Variants in ZNF521 observed in about 807,000 individuals in gnomAD.
The protein encoded by ZNF521 is LYST-interacting protein 3.
ZNF521 carries 14 observed loss-of-function variants against 105.5 expected under a neutral mutation model. That is an observed-to-expected ratio of 0.13 (90% CI 0.09 to 0.21). ZNF521 has a LOEUF of 0.21. Ranked by LOEUF, ZNF521 falls within the 10% of genes least tolerant of loss-of-function variation. ZNF521 has a pLI of 1.00. For missense variants in ZNF521, 1,233 were observed against 1,629.7 expected, an observed-to-expected ratio of 0.76 and a Z score of 4.19; for synonymous variants, 635 against 606.0, an observed-to-expected ratio of 1.05 and a Z score of -0.70.
At chr18:25,195,315 T>C (rs1268405188) in intron 4 of ZNF521, 71 bp from the exon 5 acceptor site, 3 of 1,254,628 alleles carry the variant, frequency 2.4e-6, no homozygotes, top group Non-Finnish European at 3.3e-6. Flanking sequence ...TTAAAAAACA[T>C]TTTTCTGAGA....
At chr18:25,183,735 G>A (rs986961784) in intron 5 of ZNF521, among the ~76,000 whole-genome samples, 6 of 152,090 alleles carry the variant, frequency 3.9e-5, no homozygotes, top group African/African-American at 7.2e-5. Context: ...GCTGGTGCTC[G>A]TTTGAAACAC....
At chr18:25,229,389 C>T (rs1014227853) in intron 3 of ZNF521, among the ~76,000 whole-genome samples, 6 of 152,176 alleles carry the variant, frequency 3.9e-5, no homozygotes, top group Admixed American at 1.3e-4. Flanking sequence ...AGTTGAAAAC[C>T]GCATGATTTT....
At position 25,297,426 on chromosome 18, in the gene ZNF521, T is replaced by A. The variant is rs144637283; in HGVS notation, c.220+24582A>T. Among the ~76,000 whole-genome samples the A allele has an allele frequency of 3.9e-3, 594 of 152,280 alleles. 5 individuals carry two copies. Among genetic ancestry groups the A allele is most frequent in the Non-Finnish European group, 3.6e-3 (243 of 68,010 alleles). ...AAATCCATGAAAAATTCATATTAAA[T>A]CCTTTCTTATTTGTGTATTTAGTCT... On this transcript the variant is annotated intron_variant, in intron 3 of 7. Transcript: ENST00000361524.
At chr18:25,289,037 T>C (rs1910863328) in intron 3 of ZNF521, among the ~76,000 whole-genome samples, 1 of 152,252 alleles carries the variant, frequency 6.6e-6, no homozygotes, top group Non-Finnish European at 1.5e-5. Context: ...ATAGCTTTTT[T>C]TAACCTTGGA....
At chr18:25,337,270 A>G (rs1371367808) in intron 2 of ZNF521, among the ~76,000 whole-genome samples, 2 of 152,192 alleles carry the variant, frequency 1.3e-5, no homozygotes, top group African/African-American at 4.8e-5. Context: ...CAGACACAAG[A>G]TCTATTAGTT....
chr18:25,134,056 A>T (rs1055013447), intron 5 of ZNF521, among the ~76,000 whole-genome samples: 1 of 152,172 alleles, frequency 6.6e-6, no homozygotes, highest in East Asian at 1.9e-4. Flanking sequence ...GACAGCTGAG[A>T]CACAAAACCA....
intron 3 of ZNF521, among the ~76,000 whole-genome samples, chr18:25,276,652 G>C (rs1045160523): frequency 1.3e-5 from 2 of 152,148 alleles, no homozygotes; most frequent in African/African-American, 2.4e-5. Context: ...AGAGCTCCCT[G>C]AAACTGACCT....
chr18:25,213,918 A>C (rs1228778212), intron 4 of ZNF521, among the ~76,000 whole-genome samples: 1 of 152,098 alleles, frequency 6.6e-6, no homozygotes, highest in East Asian at 1.9e-4. Context: ...AAAGTTACTC[A>C]TAGTATTATT....
chr18:25,161,398 G>T (rs2035249062), intron 5 of ZNF521, among the ~76,000 whole-genome samples: 1 of 152,124 alleles, frequency 6.6e-6, no homozygotes, highest in Non-Finnish European at 1.5e-5. Flanking sequence ...TCCAGAAAAA[G>T]AAATGCCACT....
rs188370267 is a variant in ZNF521 at position 25,142,779 on chromosome 18, A to T, written c.3659-50698T>A. Among the ~76,000 whole-genome samples, 202 of 152,272 alleles carry T rather than the reference A, an allele frequency of 1.3e-3. 1 individual carries two copies. The highest frequency in any genetic ancestry group is 1.8e-3 in the Non-Finnish European group (122 of 68,016). ...TGTAAGTTATTTTTTGCATCTAAGAAAGGTAGCAGAAGTATTCATTAACAC... is the reference window on the plus strand; with the variant it reads ...TGTAAGTTATTTTTTGCATCTAAGATAGGTAGCAGAAGTATTCATTAACAC... On this transcript the variant is annotated intron_variant, in intron 5 of 7. Transcript: ENST00000361524.
intron 3 of ZNF521, among the ~76,000 whole-genome samples, chr18:25,247,197 C>T (rs1039252308): frequency 1.3e-5 from 2 of 152,124 alleles, no homozygotes; most frequent in Non-Finnish European, 2.9e-5. Context: ...GGGAGAGGCA[C>T]ACATGTAAAC....
At chr18:25,296,241 G>A (rs2145049930) in intron 3 of ZNF521, among the ~76,000 whole-genome samples, 1 of 152,178 alleles carries the variant, frequency 6.6e-6, no homozygotes, top group East Asian at 1.9e-4. Flanking sequence ...CCACTTGATA[G>A]GAGCACTAGG....
intron 3 of ZNF521, among the ~76,000 whole-genome samples, chr18:25,313,774 A>G (rs1912455119): frequency 6.6e-6 from 1 of 152,242 alleles, no homozygotes; most frequent in Non-Finnish European, 1.5e-5. Context: ...TAGTAAATAC[A>G]TATTATGACA....
At chr18:25,252,982 A>G (rs1908221343) in intron 3 of ZNF521, among the ~76,000 whole-genome samples, 1 of 152,258 alleles carries the variant, frequency 6.6e-6, no homozygotes, top group African/African-American at 2.4e-5. Flanking sequence ...CATAAGGCAA[A>G]CCAACTTCCT....
At chr18:25,135,778 G>T (rs1435883160) in intron 5 of ZNF521, among the ~76,000 whole-genome samples, 2 of 152,062 alleles carry the variant, frequency 1.3e-5, no homozygotes, top group Non-Finnish European at 2.9e-5. Context: ...TCTTAGGAGA[G>T]TTATTAAAGG....
intron 5 of ZNF521, among the ~76,000 whole-genome samples, chr18:25,114,187 C>G (rs1038629451): frequency 3.9e-5 from 6 of 152,140 alleles, no homozygotes; most frequent in African/African-American, 1.4e-4. Flanking sequence ...AGCTTGAAAG[C>G]TGATGAATGA....
At chr18:25,102,859 C>T (rs1946578770) in intron 5 of ZNF521, among the ~76,000 whole-genome samples, 1 of 152,188 alleles carries the variant, frequency 6.6e-6, no homozygotes, top group South Asian at 2.1e-4. Context: ...ACAGCAGTTA[C>T]TGTTTTCTAG....
At chr18:25,300,156 G>A (rs1031352917) in intron 3 of ZNF521, among the ~76,000 whole-genome samples, 4 of 152,114 alleles carry the variant, frequency 2.6e-5, no homozygotes, top group Admixed American at 6.6e-5. Flanking sequence ...TTAGAAAAGC[G>A]ACAACCACAG....
Position 25,303,410 on chromosome 18 carries a change from G to A in ZNF521, c.220+18598C>T, listed in dbSNP as rs566527430. Among the ~76,000 whole-genome samples, 46 of 151,778 alleles carry A rather than the reference G, an allele frequency of 3.0e-4. No homozygotes were observed. In the East Asian group the frequency reaches 8.2e-3, roughly 27 times the overall value. ...CCTTCTGGGTTCACGCCATTCTCCT[G>A]CCTCAGCCTCCCTAGTAGCTGGGAC... is the stretch of plus-strand genomic sequence containing the variant. On this transcript the variant is annotated intron_variant, in intron 3 of 7. Coordinates refer to ENST00000361524, the MANE Select transcript of ZNF521 (RefSeq NM_015461.3).
Sources: allele counts gnomAD v4.1 joint callset (sites outside exome capture counted in the v4.1 genomes callset), GRCh38; gene constraint gnomAD v4.1.1; transcripts MANE v1.5; gene names NCBI Gene and HGNC (gene_info 2026-07-23, HGNC 2026-07-21).